The following KIF5C variants were observed in gnomAD, a reference collection of about 807,000 sequenced individuals.
KIF5C encodes kinesin heavy chain isoform 5C.
A neutral mutation model predicts 125.2 loss-of-function variants in KIF5C; 18 were observed. The observed-to-expected ratio is 0.14, with a 90% CI of 0.10 to 0.21. KIF5C has a LOEUF of 0.21. Among genes scored for constraint, KIF5C ranks in the 10% least tolerant of loss-of-function variants. KIF5C has a pLI of 1.00. For missense variants in KIF5C, 780 were observed against 1,183.8 expected (o/e 0.66, Z 5.01); for synonymous variants, 405 against 434.0 (o/e 0.93, Z 0.83).
At chr2:148,929,898 G>A (rs552763111) in intron 3 of KIF5C, among the ~76,000 whole-genome samples, 65 of 152,134 alleles carry the variant, frequency 4.3e-4, no homozygotes, top group African/African-American at 1.5e-3. Flanking sequence ...TGAATATTCT[G>A]AAGATCTGGC....
At chr2:148,894,572 C>G (rs1032178957) in intron 1 of KIF5C, among the ~76,000 whole-genome samples, 8 of 152,040 alleles carry the variant, frequency 5.3e-5, no homozygotes, top group African/African-American at 1.9e-4. Context: ...TGTCTGTTTC[C>G]TGGTGTTTTC....
At chr2:148,901,638 A>G (rs1680906717) in intron 1 of KIF5C, among the ~76,000 whole-genome samples, 1 of 152,192 alleles carries the variant, frequency 6.6e-6, no homozygotes, top group South Asian at 2.1e-4. Context: ...CTATTTATCA[A>G]TTTAATATTT....
At chr2:148,992,754 G>A (rs1375951385) in intron 16 of KIF5C, among the ~76,000 whole-genome samples, 1 of 152,154 alleles carries the variant, frequency 6.6e-6, no homozygotes, top group Non-Finnish European at 1.5e-5. Context: ...ACTTTTTCTG[G>A]ATTTGCTTTA....
intron 15 of KIF5C, 29 bp downstream of exon 15, chr2:148,983,795 A>G (rs928820194): frequency 6.4e-7 from 1 of 1,563,714 alleles, no homozygotes; most frequent in Non-Finnish European, 8.7e-7. Flanking sequence ...TATCCTCTCT[A>G]CCTGCTCCTG....
chr2:149,011,809 G>C, intron 25 of KIF5C, 126 bp downstream of exon 25: 2 of 1,324,268 alleles, frequency 1.5e-6, no homozygotes, highest in Non-Finnish European at 2.1e-6. Flanking sequence ...CACACCCTGG[G>C]GGTTCCAGGT....
chr2:148,952,244 C>T (rs1458049212), intron 10 of KIF5C, among the ~76,000 whole-genome samples: 1 of 152,090 alleles, frequency 6.6e-6, no homozygotes, highest in Non-Finnish European at 1.5e-5. Flanking sequence ...GCTCTAAGTG[C>T]ATTTATAAAG....
At chr2:148,919,705 G>C (rs1247965558) in intron 1 of KIF5C, among the ~76,000 whole-genome samples, 1 of 152,110 alleles carries the variant, frequency 6.6e-6, no homozygotes, top group African/African-American at 2.4e-5. Flanking sequence ...TCAGTTCTTT[G>C]AAAATATTCA....
At chr2:148,892,713 T>C (rs1681743370) in intron 1 of KIF5C, among the ~76,000 whole-genome samples, 1 of 152,238 alleles carries the variant, frequency 6.6e-6, no homozygotes, top group Non-Finnish European at 1.5e-5. Context: ...CACATGGACC[T>C]GTCCACAGAG....
intron 1 of KIF5C, among the ~76,000 whole-genome samples, chr2:148,894,382 G>T: frequency 6.6e-6 from 1 of 152,152 alleles, no homozygotes; most frequent in Non-Finnish European, 1.5e-5. Context: ...TTATTTTAAT[G>T]TGAACTAAAA....
At chr2:149,009,050 T>C (rs529509143) in intron 23 of KIF5C, among the ~76,000 whole-genome samples, 30 of 149,288 alleles carry the variant, frequency 2.0e-4, no homozygotes, top group African/African-American at 6.7e-4. Context: ...AGTGCAGTGG[T>C]GCGATCTCTG....
chr2:148,924,743 A>G lies in KIF5C; in HGVS notation c.217+2516A>G, dbSNP rs1681925707. 2.6e-5 allele frequency among the ~76,000 whole-genome samples: 4 copies of G among 152,234 alleles called. No homozygotes were observed. The highest frequency in any genetic ancestry group is 7.2e-5 in the African/African-American group (3 of 41,456). ...CTGTAACTATGTCCCAGCCTACAGA[A>G]GCCACACCAATCATTTGCCTTCCAA... On this transcript the variant is annotated intron_variant, in intron 2 of 25. Coordinates refer to ENST00000435030, the MANE Select transcript of KIF5C (RefSeq NM_004522.3). The surrounding 1 kb of genome is among the most constrained non-coding windows in gnomAD (Gnocchi z 4.0).
At chr2:148,898,939 G>T (rs1680777403) in intron 1 of KIF5C, among the ~76,000 whole-genome samples, 1 of 152,164 alleles carries the variant, frequency 6.6e-6, no homozygotes, top group Non-Finnish European at 1.5e-5. Flanking sequence ...GAGCAGCAAC[G>T]AATGTTCATG....
rs577041684 is a variant in KIF5C, at chr2:148,876,835, G to C, written c.126+1092G>C. On this transcript the variant is annotated intron_variant, in intron 1 of 25. Transcript: ENST00000435030. The surrounding 1 kb of genome is among the most constrained non-coding windows in gnomAD (Gnocchi z 4.7). ...GGGACCGAGTTAATGGGAGCCTCCC[G>C]GTCCCCGCTGACACGTTCCTGGCAG... Among the ~76,000 whole-genome samples the C allele has an allele frequency of 2.6e-5, 4 of 152,262 alleles. No individual in the cohort carries two copies. The East Asian group carries it at 7.8e-4, about 30-fold the overall frequency.
intron 15 of KIF5C, among the ~76,000 whole-genome samples, chr2:148,985,403 C>T (rs1344980121): frequency 6.6e-6 from 1 of 152,152 alleles, no homozygotes; most frequent in Non-Finnish European, 1.5e-5. Flanking sequence ...AAACCATCAG[C>T]ACCGTTAAGA....
intron 25 of KIF5C, among the ~76,000 whole-genome samples, chr2:149,012,229 T>C (rs1293306795): frequency 1.3e-5 from 2 of 152,206 alleles, no homozygotes; most frequent in African/African-American, 2.4e-5. Context: ...CCACAACCCA[T>C]GTGCACGACA....
At chr2:148,883,301 A>G (rs1681419783) in intron 1 of KIF5C, among the ~76,000 whole-genome samples, 1 of 152,094 alleles carries the variant, frequency 6.6e-6, no homozygotes, top group Non-Finnish European at 1.5e-5. Context: ...GGAGATCGAG[A>G]CCATCCTGGC....
At chr2:149,002,533 C>T (rs1003825113) in intron 21 of KIF5C, among the ~76,000 whole-genome samples, 1 of 152,222 alleles carries the variant, frequency 6.6e-6, no homozygotes, top group Non-Finnish European at 1.5e-5. Context: ...CATTCACACA[C>T]ACAACTTGCA....
chr2:149,008,867 A>G (rs918637075), intron 23 of KIF5C, among the ~76,000 whole-genome samples: 1 of 152,196 alleles, frequency 6.6e-6, no homozygotes, highest in Admixed American at 6.5e-5. Flanking sequence ...GATTCTAGAT[A>G]GTTGAAGTCA....
intron 1 of KIF5C, among the ~76,000 whole-genome samples, chr2:148,909,709 G>A (rs1681256198): frequency 6.6e-6 from 1 of 152,182 alleles, no homozygotes; most frequent in African/African-American, 2.4e-5. Flanking sequence ...CAGCACTATG[G>A]CTATAAGAAG....
Sources: gnomAD v4.1 joint callset for allele counts (sites outside exome capture counted in the v4.1 genomes callset) on GRCh38, gnomAD v4.1.1 for gene constraint, Gnocchi (gnomAD v3.1) non-coding constraint, MANE v1.5 for transcripts, NCBI Gene and HGNC (gene_info 2026-07-23, HGNC 2026-07-21) for gene names.